Variants in ZNF366 observed in about 807,000 individuals in gnomAD.
ZNF366 encodes dendritic cell-specific transcript protein.
A neutral mutation model predicts 47.2 loss-of-function variants in ZNF366; 20 were observed. The ratio of observed to expected loss-of-function variants is 0.42; its 90% confidence interval spans 0.30 to 0.62. The LOEUF is 0.62. Ranked by LOEUF, ZNF366 falls within the 20% of genes least tolerant of loss-of-function variation. ZNF366 has a pLI of 0.16. For synonymous variants in ZNF366, 421 were observed against 395.1 expected (o/e 1.07, Z -0.78); for missense variants, 987 against 976.3 (o/e 1.01, Z -0.15).
At chr5:72,489,398 CTT>C (rs956039300) in intron 1 of ZNF366, among the ~76,000 whole-genome samples, 1 of 151,872 alleles carries the variant, frequency 6.6e-6, no homozygotes, top group African/African-American at 2.4e-5. Context: ...TGTTTTCTTT[CTT>C]TTTTTTAAAG....
chr5:72,502,622 A>G (rs1744230339), intron 1 of ZNF366, among the ~76,000 whole-genome samples: 1 of 152,332 alleles, frequency 6.6e-6, no homozygotes, highest in African/African-American at 2.4e-5. Context: ...GCCTTTCTAC[A>G]TCACCATTAA....
rs762678032 is a variant in ZNF366, at chr5:72,444,039, TTGG to T, written c.1949_1951del (p.Thr650del). ...CAGCACCTCGGGGGCGTGCTCCGACTTGGTGGACAGATCCTCGGGTGTGCAGAG... is the reference window on the plus strand; with the variant it reads ...CAGCACCTCGGGGGCGTGCTCCGACTTGGACAGATCCTCGGGTGTGCAGAG... On this transcript the variant is annotated inframe_deletion, in exon 5 of 5. Coordinates refer to ENST00000318442, the MANE Select transcript of ZNF366 (RefSeq NM_152625.3). 9.3e-6 allele frequency: 15 copies of T among 1,614,098 alleles called. No homozygotes were observed. The highest frequency in any genetic ancestry group is 1.3e-5 in the Non-Finnish European group (15 of 1,180,042).
chr5:72,507,185 T>A, intron 1 of ZNF366, 66 bp downstream of exon 1: 1 of 980,724 alleles, frequency 1.0e-6, no homozygotes, highest in Non-Finnish European at 1.2e-6. Context: ...CTGTTGAAGA[T>A]GCCCACAGCA....
intron 1 of ZNF366, among the ~76,000 whole-genome samples, chr5:72,493,875 C>T (rs958477441): frequency 2.6e-5 from 4 of 151,420 alleles, no homozygotes; most frequent in African/African-American, 9.7e-5. Flanking sequence ...CTGCCTCAGC[C>T]TCCCAAGTAG....
chr5:72,460,861 C>G lies in ZNF366; in HGVS notation c.636G>C (p.Leu212=). The G allele has an allele frequency of 1.9e-6, 3 of 1,614,018 alleles. No homozygotes were observed. The highest frequency in any genetic ancestry group is 2.5e-6 in the Non-Finnish European group (3 of 1,179,958). ...CCTGGGGCTCGGCTTTCCGGGGCAGCAGAGGTTCCGGGGGCTGCTTGGGCA... is the reference window on the plus strand; with the variant it reads ...CCTGGGGCTCGGCTTTCCGGGGCAGGAGAGGTTCCGGGGGCTGCTTGGGCA... ...TFLPKQPPEP[L]LPRKAEPQES... Residue 212 remains leucine (L), a synonymous_variant, in exon 2 of 5, where the codon CTG becomes CTC. Coordinates refer to ENST00000318442, the MANE Select transcript of ZNF366 (RefSeq NM_152625.3).
chr5:72,460,489 C>T lies in ZNF366; in HGVS notation c.1008G>A (p.Pro336=), dbSNP rs201480645. Residue 336 remains proline (P), a synonymous_variant, in exon 2 of 5, where the codon CCG becomes CCA. Transcript: ENST00000318442. ...RHMMQHSEVK[P]HNCRVCGRGF... ...CGCGGCCGCACACGCGGCAGTTGTG[C>T]GGCTTCACCTCGCTGTGCTGCATCA... The T allele has an allele frequency of 1.9e-6, 3 of 1,613,878 alleles. No homozygotes were observed. Among genetic ancestry groups the T allele is most frequent in the Middle Eastern group, 1.6e-4 (1 of 6,062 alleles).
chr5:72,502,048 T>C (rs1369878832), intron 1 of ZNF366, among the ~76,000 whole-genome samples: 1 of 152,196 alleles, frequency 6.6e-6, no homozygotes, highest in African/African-American at 2.4e-5. Context: ...ACTTTTTTTT[T>C]TCAAATTAAT....
chr5:72,487,120 A>G (rs947074538), intron 1 of ZNF366, among the ~76,000 whole-genome samples: 1 of 152,224 alleles, frequency 6.6e-6, no homozygotes, highest in Non-Finnish European at 1.5e-5. Flanking sequence ...TCTTTCTGTC[A>G]TGAAGCTTTG....
At chr5:72,462,798 G>A (rs956422531) in intron 1 of ZNF366, among the ~76,000 whole-genome samples, 8 of 152,060 alleles carry the variant, frequency 5.3e-5, no homozygotes, top group African/African-American at 9.7e-5. Context: ...TGATCCACCC[G>A]CCTCGGCCTC....
intron 1 of ZNF366, among the ~76,000 whole-genome samples, chr5:72,491,295 C>T (rs1744003294): frequency 6.6e-6 from 1 of 152,164 alleles, no homozygotes; most frequent in South Asian, 2.1e-4. Context: ...CAGTTTTGTC[C>T]ACTCTAAGCC....
At position 72,444,176 on chromosome 5, in the gene ZNF366, C is replaced by T. The variant is rs746317191; in HGVS notation, c.1815G>A (p.Gln605=). 1.2e-6 allele frequency: 2 copies of T among 1,613,522 alleles called. No homozygotes were observed. The highest frequency in any genetic ancestry group is 4.5e-5 in the East Asian group (2 of 44,872). ...QKRRAKVPVF[Q]SDGESAQGSH... is the part of the protein sequence containing the mutation. ...TGCCCTGGGCACTCTCCCCGTCTGA[C>T]TGGAACACCGGCACCTTGGCCCGGC... Residue 605 remains glutamine, a synonymous_variant, in exon 5 of 5, where the codon CAG becomes CAA. Coordinates refer to ENST00000318442, the MANE Select transcript of ZNF366 (RefSeq NM_152625.3).
At chr5:72,500,973 G>A (rs1744201231) in intron 1 of ZNF366, among the ~76,000 whole-genome samples, 1 of 152,154 alleles carries the variant, frequency 6.6e-6, no homozygotes, top group Admixed American at 6.5e-5. Context: ...TTCCTTATAA[G>A]GAAACTGAAA....
Position 72,443,984 on chromosome 5 carries a change from A to C in ZNF366, c.2007T>G (p.Asp669Glu). The change falls in exon 5 of 5, where the codon GAT becomes GAG. Residue 669 changes from aspartate (D) to glutamate (E), a missense_variant. Asp to Glu is a conservative substitution (Grantham distance 45, BLOSUM62 2). This residue lies in a region of ZNF366 where 285 missense variants were observed against 234.8 expected (regional missense o/e 1.21). Transcript: ENST00000318442. ...TCTTCTCCCATTCTCCCTTGGATGC[A>C]TCCTCCTTCTCCTCCTTGCAGGCTT... The part of the protein sequence containing the change: ...LEEACKEEKE[D>E]ASKGEWEKRS... The C allele has an allele frequency of 6.2e-7, 1 of 1,614,052 alleles. No individual in the cohort carries two copies. The highest frequency in any genetic ancestry group is 8.5e-7 in the Non-Finnish European group (1 of 1,180,006).
intron 3 of ZNF366, among the ~76,000 whole-genome samples, chr5:72,452,522 C>A (rs1051668111): frequency 6.6e-6 from 1 of 152,208 alleles, no homozygotes; most frequent in African/African-American, 2.4e-5. Flanking sequence ...AAACACTGGG[C>A]CCCTCAAAGC....
At chr5:72,462,494 G>T (rs575439497) in intron 1 of ZNF366, among the ~76,000 whole-genome samples, 1 of 112,074 alleles carries the variant, frequency 8.9e-6, no homozygotes, top group South Asian at 3.2e-4. Flanking sequence ...TGTTTTTCAC[G>T]TCTCCTTGCC....
chr5:72,479,843 G>T (rs552617745), intron 1 of ZNF366, among the ~76,000 whole-genome samples: 3 of 152,314 alleles, frequency 2.0e-5, no homozygotes, highest in East Asian at 1.9e-4. Flanking sequence ...ATGACTGGAA[G>T]GTATAAGACT....
rs773014060 is a variant in ZNF366 at position 72,460,464 on chromosome 5, C to A, written c.1033G>T (p.Gly345Cys). 1 of 1,613,984 alleles carries A rather than the reference C, an allele frequency of 6.2e-7. No homozygotes were observed. Among genetic ancestry groups the A allele is most frequent in the Non-Finnish European group, 8.5e-7 (1 of 1,179,962 alleles). The change falls in exon 2 of 5, where the codon GGC (glycine) becomes TGC (cysteine). Residue 345 changes from glycine (G) to cysteine (C), a missense_variant. This residue lies in a region of ZNF366 where 591 missense variants were observed against 560.9 expected (regional missense o/e 1.05). Transcript: ENST00000318442. ...TTGAGCTCGCTGGGGTAGGCAAAGC[C>A]GCGGCCGCACACGCGGCAGTTGTGC... ...KPHNCRVCGRGFAYPSELKAH... is the reference protein window; with the variant it reads ...KPHNCRVCGRCFAYPSELKAH...
rs558347998 is a variant in ZNF366 at position 72,480,223 on chromosome 5, A to T, written c.-14-18713T>A. On this transcript the variant is annotated intron_variant, in intron 1 of 4. Coordinates refer to ENST00000318442, the MANE Select transcript of ZNF366 (RefSeq NM_152625.3). ...TGAATAAGAATTGTGTGACAAATTG[A>T]TGAGGTACTGAGGGAAAGCCAATTA... Among the ~76,000 whole-genome samples the T allele has an allele frequency of 1.4e-4, 21 of 152,378 alleles. No individual in the cohort carries two copies. In the South Asian group the frequency reaches 4.4e-3, roughly 32 times the overall value.
chr5:72,470,774 T>A (rs868219980), intron 1 of ZNF366, among the ~76,000 whole-genome samples: 11 of 152,336 alleles, frequency 7.2e-5, no homozygotes, highest in African/African-American at 2.6e-4. Context: ...CAACCTCGCG[T>A]AAATTAACTG....
Sources: allele counts gnomAD v4.1 joint callset (sites outside exome capture counted in the v4.1 genomes callset), GRCh38; gene constraint gnomAD v4.1.1; regional missense constraint gnomAD v4.1.1; transcripts MANE v1.5; gene names NCBI Gene and HGNC (gene_info 2026-07-23, HGNC 2026-07-21).